The following CCT8 variants were observed in gnomAD, a reference collection of about 807,000 sequenced individuals.
CCT8 encodes the protein chaperonin containing TCP1 subunit 8.
In CCT8, 10 loss-of-function variants were observed where a neutral mutation model predicts 65.7. The ratio of observed to expected loss-of-function variants is 0.15; its 90% CI spans 0.09 to 0.26. CCT8 has a LOEUF of 0.26. Ranked by LOEUF, CCT8 falls within the 10% of genes least tolerant of loss-of-function variation. The pLI is 1.00. For missense variants in CCT8, 568 were observed against 669.1 expected (o/e 0.85, Z 1.67); for synonymous variants, 199 against 221.8 (o/e 0.90, Z 0.92).
At chr21:29,064,479 C>A (rs529392242) in intron 7 of CCT8, among the ~76,000 whole-genome samples, 1 of 145,866 alleles carries the variant, frequency 6.9e-6, no homozygotes, top group African/African-American at 2.6e-5. Context: ...AATGACCAGA[C>A]CCCCCTCATG....
At chr21:29,058,064 A>G (rs1470968245) in intron 14 of CCT8, 1 of 152,100 alleles carries the variant, frequency 6.6e-6, no homozygotes, top group Non-Finnish European at 1.5e-5. Flanking sequence ...TCAGAATAAC[A>G]TGTTACCAAT....
chr21:29,060,171 A>G (rs1324684278), intron 14 of CCT8: 2 of 156,488 alleles, frequency 1.3e-5, no homozygotes, highest in Non-Finnish European at 2.8e-5. Context: ...TCATAGCAGA[A>G]AAAATTTTCA....
At chr21:29,063,129 C>T (rs2085582286) in intron 8 of CCT8, among the ~76,000 whole-genome samples, 1 of 152,050 alleles carries the variant, frequency 6.6e-6, no homozygotes, top group Admixed American at 6.6e-5. Context: ...AATGCTTTTC[C>T]CTCTTCAATT....
chr21:29,060,405 G>A, intron 14 of CCT8, 136 bp downstream of exon 14: 1 of 783,166 alleles, frequency 1.3e-6, no homozygotes, highest in Non-Finnish European at 1.9e-6. Flanking sequence ...TTGGAGGGGG[G>A]CACATAGTAT....
chr21:29,073,537 T>C lies in CCT8; in HGVS notation c.54A>G (p.Gly18=), dbSNP rs768142661. 2 of 1,613,986 alleles carry C rather than the reference T, an allele frequency of 1.2e-6. No homozygotes were observed. The highest frequency in any genetic ancestry group is 8.5e-7 in the Non-Finnish European group (1 of 1,179,970). ...APGFAQMLKE[G]AKHFSGLEEA... ...CCTTTCCTTCAGCCCTTACTTTCGCTCCCTCCTTGAGCATCTGGGCAAAGC... is the reference window on the plus strand; with the variant it reads ...CCTTTCCTTCAGCCCTTACTTTCGCCCCCTCCTTGAGCATCTGGGCAAAGC... The change falls in exon 1 of 15, where the codon GGA becomes GGG. Residue 18 remains glycine (G), a synonymous_variant. Transcript: ENST00000286788.
At chr21:29,069,386 C>T (rs2085657835) in intron 3 of CCT8, 37 bp downstream of exon 3, 1 of 1,257,966 alleles carries the variant, frequency 7.9e-7, no homozygotes, top group Non-Finnish European at 1.1e-6. Flanking sequence ...TTTGATGTCA[C>T]CAAAATATTT....
Position 29,062,210 on chromosome 21 carries a change from A to G in CCT8, c.1130T>C (p.Leu377Pro). The change falls in exon 11 of 15, where the codon CTT (leucine) becomes CCT (proline). Residue 377 changes from leucine to proline, a missense_variant. By Grantham distance (98) the Leu-to-Pro change is moderately conservative. Coordinates refer to ENST00000286788, the MANE Select transcript of CCT8 (RefSeq NM_006585.4). ...CATCAGATTGTCTGTAGAGCCTCGA[A>G]GTACTATGGTAGAAATGGCGCCATC... Reference protein sequence around the residue: ...KEDGAISTIVLRGSTDNLMDD... With the variant: ...KEDGAISTIVPRGSTDNLMDD... The G allele has an allele frequency of 6.2e-7, 1 of 1,613,934 alleles. No individual in the cohort carries two copies. Among genetic ancestry groups the G allele is most frequent in the Non-Finnish European group, 8.5e-7 (1 of 1,179,892 alleles).
At chr21:29,058,291 A>G (rs188298639) in intron 14 of CCT8, 1 of 152,032 alleles carries the variant, frequency 6.6e-6, no homozygotes, top group African/African-American at 2.4e-5. Flanking sequence ...ACAAAAAAAA[A>G]TTAGGTGGGC....
chr21:29,067,487 G>T (rs2085636857), intron 4 of CCT8, 69 bp downstream of exon 4: 7 of 1,251,264 alleles, frequency 5.6e-6, no homozygotes, highest in Non-Finnish European at 6.3e-6. Context: ...AATGATTTTA[G>T]TTTATGTTTT....
chr21:29,073,424 T>A (rs778179668), intron 1 of CCT8, 107 bp downstream of exon 1: 179 of 1,563,532 alleles, frequency 1.1e-4, no homozygotes, highest in Non-Finnish European at 1.5e-4. Flanking sequence ...CCCCGGCCGC[T>A]GAGCCAGGGC....
chr21:29,071,839 C>T, intron 1 of CCT8: 1 of 671,008 alleles, frequency 1.5e-6, no homozygotes. Context: ...CATTCCCATA[C>T]TTAAGACCCT....
Position 29,070,334 on chromosome 21 carries a change from A to G in CCT8, c.64T>C (p.Phe22Leu), listed in dbSNP as rs921733643. ...TACACAGCCTCTTCTAATCCTGAAA[A>G]GTGCTGTTAAAAAAAACAAACAAAA... is the stretch of plus-strand genomic sequence containing the variant. Reference protein sequence around the residue: ...AQMLKEGAKHFSGLEEAVYRN... With the variant: ...AQMLKEGAKHLSGLEEAVYRN... Residue 22 changes from phenylalanine to leucine, a missense_variant, in exon 2 of 15, where the codon TTT (phenylalanine) becomes CTT (leucine). Phe to Leu is a conservative substitution (Grantham distance 22). Coordinates refer to ENST00000286788, the MANE Select transcript of CCT8 (RefSeq NM_006585.4). 1.9e-6 allele frequency: 3 copies of G among 1,603,042 alleles called. No individual in the cohort carries two copies. The African/African-American group carries it at 4.0e-5, about 22-fold the overall frequency.
chr21:29,063,218 A>G, intron 8 of CCT8, 134 bp downstream of exon 8: 1 of 665,296 alleles, frequency 1.5e-6, no homozygotes, highest in Middle Eastern at 4.2e-4. Flanking sequence ...CCCCAAACTA[A>G]ATCCTTCTGC....
chr21:29,064,194 G>A (rs536252060), intron 7 of CCT8, among the ~76,000 whole-genome samples: 3 of 151,800 alleles, frequency 2.0e-5, no homozygotes, highest in Admixed American at 1.3e-4. Context: ...GGCCGGGCGC[G>A]GTGGCTCATG....
At chr21:29,073,339 G>A (rs2085704773) in intron 1 of CCT8, 192 bp downstream of exon 1, 2 of 1,420,820 alleles carry the variant, frequency 1.4e-6, no homozygotes, top group Non-Finnish European at 1.8e-6. Context: ...CCCGGTCGCG[G>A]AAGAAGAGAA....
chr21:29,067,234 C>T (rs1045113685), intron 4 of CCT8, among the ~76,000 whole-genome samples, 163 bp from the exon 5 acceptor site: 1 of 152,174 alleles, frequency 6.6e-6, no homozygotes, highest in Non-Finnish European at 1.5e-5. Flanking sequence ...GCTTAGATGA[C>T]AGCCCAAATT....
intron 11 of CCT8, 126 bp downstream of exon 11, chr21:29,062,002 G>A: frequency 1.5e-6 from 1 of 662,074 alleles, no homozygotes; most frequent in Non-Finnish European, 2.7e-6. Flanking sequence ...AAAAACAGGT[G>A]CTTCATTTCA....
chr21:29,056,393 TA>T lies in CCT8; in HGVS notation c.*81del. Reference sequence around the variant, plus strand: ...TACAAACACAAAATAACTCTTAATTTAAGGAGAATAAGAAAACATCAGGTGA... The same window carrying T: ...TACAAACACAAAATAACTCTTAATTTAGGAGAATAAGAAAACATCAGGTGA... On this transcript the variant is annotated 3_prime_UTR_variant, in exon 15 of 15. Coordinates refer to ENST00000286788, the MANE Select transcript of CCT8 (RefSeq NM_006585.4). The T allele has an allele frequency of 3.0e-6, 2 of 670,864 alleles. No individual in the cohort carries two copies. Among genetic ancestry groups the T allele is most frequent in the Non-Finnish European group, 4.7e-6 (2 of 427,166 alleles). 41.6% of individuals were successfully genotyped at this position (670,864 alleles called of 1,614,324 possible).
At chr21:29,062,616 T>A in intron 8 of CCT8, 60 bp from the exon 9 acceptor site, 1 of 1,398,858 alleles carries the variant, frequency 7.1e-7, no homozygotes, top group Non-Finnish European at 9.9e-7. Flanking sequence ...GCATATAAAG[T>A]TCAAATTAAA....
Sources: allele counts gnomAD v4.1 joint callset (sites outside exome capture counted in the v4.1 genomes callset), GRCh38; gene constraint gnomAD v4.1.1; transcripts MANE v1.5; gene names NCBI Gene and HGNC (gene_info 2026-07-23, HGNC 2026-07-21).